The following MBTD1 variants were observed in gnomAD, a reference collection of about 807,000 sequenced individuals.
MBTD1 encodes the protein MBT domain-containing protein 1.
MBTD1 carries 24 observed loss-of-function variants against 87.8 expected under a neutral mutation model. The observed-to-expected ratio is 0.27, with a 90% CI of 0.20 to 0.38. The LOEUF (loss-of-function observed/expected upper bound fraction) is 0.38, where lower values mean the gene tolerates loss of function less well. Among genes scored for constraint, MBTD1 ranks in the 10% least tolerant of loss-of-function variants. The pLI, the probability that MBTD1 is intolerant of heterozygous loss-of-function variation, is 1.00. For missense variants in MBTD1, 436 were observed against 760.2 expected (o/e 0.57, Z 5.02); for synonymous variants, 237 against 248.6 (o/e 0.95, Z 0.44).
chr17:51,232,418 C>G (rs1438492103), intron 2 of MBTD1, among the ~76,000 whole-genome samples: 1 of 152,036 alleles, frequency 6.6e-6, no homozygotes, highest in Non-Finnish European at 1.5e-5. Flanking sequence ...ATCCCCAATA[C>G]TTTGGGCATT....
At chr17:51,203,660 G>A (rs2051627559) in intron 8 of MBTD1, 131 bp downstream of exon 8, 4 of 961,182 alleles carry the variant, frequency 4.2e-6, no homozygotes, top group East Asian at 2.6e-5. Flanking sequence ...GCCTCCCAAA[G>A]TGCTGGGATT....
chr17:51,257,276 T>A (rs2055146938), intron 2 of MBTD1, among the ~76,000 whole-genome samples: 1 of 152,188 alleles, frequency 6.6e-6, no homozygotes, highest in South Asian at 2.1e-4. Flanking sequence ...AAAGGTTATA[T>A]CTTATTTAGC....
intron 3 of MBTD1, among the ~76,000 whole-genome samples, chr17:51,223,730 C>T (rs796433156): frequency 1.3e-4 from 19 of 151,890 alleles, no homozygotes; most frequent in African/African-American, 4.3e-4. Context: ...CAGCTACTTG[C>T]GAGGCTGAGG....
At chr17:51,190,744 A>C (rs1184922129) in intron 16 of MBTD1, among the ~76,000 whole-genome samples, 2 of 101,790 alleles carry the variant, frequency 2.0e-5, no homozygotes, top group East Asian at 5.3e-4. Flanking sequence ...AAAAAAAAAA[A>C]AAAAAAATAT....
chr17:51,219,858 G>C (rs1285169089), intron 4 of MBTD1, among the ~76,000 whole-genome samples: 2 of 152,160 alleles, frequency 1.3e-5, no homozygotes, highest in African/African-American at 4.8e-5. Context: ...CATGAGCGTT[G>C]TCAAAAAGGT....
chr17:51,199,444 T>C (rs193300688), intron 12 of MBTD1, among the ~76,000 whole-genome samples: 1 of 151,884 alleles, frequency 6.6e-6, no homozygotes, highest in African/African-American at 2.4e-5. Context: ...ATCACTGTTT[T>C]AAAAAAATTT....
At chr17:51,242,932 T>C (rs1026565396) in intron 2 of MBTD1, among the ~76,000 whole-genome samples, 1 of 152,230 alleles carries the variant, frequency 6.6e-6, no homozygotes, top group African/African-American at 2.4e-5. Context: ...CTTATTCTTC[T>C]TGCAGCTGCA....
Position 51,202,930 on chromosome 17 carries a change from T to C in MBTD1, c.834A>G (p.Ser278=). The C allele has an allele frequency of 6.2e-7, 1 of 1,610,858 alleles. No individual in the cohort carries two copies. Among genetic ancestry groups the C allele is most frequent in the Non-Finnish European group, 8.5e-7 (1 of 1,177,078 alleles). ...TLPPDFSQKV[S]ESMQYPFKPC... Reference sequence around the variant, plus strand: ...GTTTGAAAGGATACTGCATACTCTCTGAAACCTTAAAAGCATACAAAAAAA... The same window carrying C: ...GTTTGAAAGGATACTGCATACTCTCCGAAACCTTAAAAGCATACAAAAAAA... The change falls in exon 10 of 17, where the codon TCA becomes TCG. Residue 278 remains serine, a synonymous_variant. Transcript: ENST00000586178.
At chr17:51,217,662 G>A (rs2052646285) in intron 5 of MBTD1, among the ~76,000 whole-genome samples, 1 of 152,168 alleles carries the variant, frequency 6.6e-6, no homozygotes, top group Admixed American at 6.5e-5. Flanking sequence ...AGGCTGGAGT[G>A]CAGTGGCATG....
At chr17:51,238,532 A>G (rs1043411990) in intron 2 of MBTD1, among the ~76,000 whole-genome samples, 1 of 152,230 alleles carries the variant, frequency 6.6e-6, no homozygotes, top group Non-Finnish European at 1.5e-5. Context: ...TTTAGAGAAC[A>G]ACCAGATTGT....
At chr17:51,198,075 C>T (rs775796359) in intron 12 of MBTD1, among the ~76,000 whole-genome samples, 43 of 152,222 alleles carry the variant, frequency 2.8e-4, no homozygotes, top group Non-Finnish European at 5.3e-4. Flanking sequence ...ATTTTATCCG[C>T]ATGCTGAACA....
chr17:51,206,117 ATTG>A (rs2051817094), intron 7 of MBTD1, among the ~76,000 whole-genome samples: 2 of 152,282 alleles, frequency 1.3e-5, no homozygotes, highest in South Asian at 4.1e-4. Context: ...TTTTGTCCAC[ATTG>A]TCTACCATAG....
intron 2 of MBTD1, among the ~76,000 whole-genome samples, chr17:51,238,424 T>C (rs1046318678): frequency 3.9e-5 from 6 of 152,240 alleles, no homozygotes; most frequent in East Asian, 1.9e-4. Flanking sequence ...AGGAAGACGG[T>C]TGATTTAGGA....
intron 3 of MBTD1, among the ~76,000 whole-genome samples, 165 bp downstream of exon 3, chr17:51,224,843 T>C (rs1328209040): frequency 6.6e-6 from 1 of 152,184 alleles, no homozygotes; most frequent in Non-Finnish European, 1.5e-5. Context: ...GTAGGCAAAA[T>C]AAAGAGTTAA....
At chr17:51,239,066 C>T (rs1473870542) in intron 2 of MBTD1, among the ~76,000 whole-genome samples, 3 of 150,626 alleles carry the variant, frequency 2.0e-5, no homozygotes, top group Admixed American at 6.6e-5. Flanking sequence ...TGCCACTGCA[C>T]TCCAGCTTGG....
intron 2 of MBTD1, among the ~76,000 whole-genome samples, chr17:51,248,902 CTAA>C (rs942224248): frequency 1.1e-4 from 16 of 152,104 alleles, no homozygotes; most frequent in African/African-American, 3.6e-4. Context: ...ATGGGACCTA[CTAA>C]TGTTTTTCTA....
At chr17:51,197,346 C>T (rs907461225) in intron 12 of MBTD1, among the ~76,000 whole-genome samples, 1 of 151,498 alleles carries the variant, frequency 6.6e-6, no homozygotes, top group African/African-American at 2.4e-5. Context: ...AAGTGATTCT[C>T]CTGCCTCTGC....
At chr17:51,232,461 T>G (rs561173958) in intron 2 of MBTD1, among the ~76,000 whole-genome samples, 1 of 152,094 alleles carries the variant, frequency 6.6e-6, no homozygotes, top group African/African-American at 2.4e-5. Context: ...AAAACAAGCA[T>G]TATGAGTTGT....
chr17:51,257,257 A>G (rs547604900), intron 2 of MBTD1, among the ~76,000 whole-genome samples: 1 of 152,318 alleles, frequency 6.6e-6, no homozygotes, highest in South Asian at 2.1e-4. Flanking sequence ...CTAATGATAC[A>G]TAAGTGTGAA....
Sources: gnomAD v4.1 joint callset for allele counts (sites outside exome capture counted in the v4.1 genomes callset) on GRCh38, gnomAD v4.1.1 for gene constraint, MANE v1.5 for transcripts, NCBI Gene and HGNC (gene_info 2026-07-23, HGNC 2026-07-21) for gene names.